Variants in SPOCK1 observed in about 807,000 individuals in gnomAD.
SPOCK1 encodes the protein testican-1.
SPOCK1 carries 23 observed loss-of-function variants against 55.3 expected under a neutral mutation model. The observed-to-expected ratio is 0.42, with a 90% CI of 0.30 to 0.59. The LOEUF is 0.59. SPOCK1 is among the 20% of genes least tolerant of loss of function. SPOCK1 has a pLI of 0.22. For missense variants in SPOCK1, 499 were observed against 552.5 expected, an observed-to-expected ratio of 0.90 and a Z score of 0.97; for synonymous variants, 226 against 221.0, an observed-to-expected ratio of 1.02 and a Z score of -0.20.
intron 6 of SPOCK1, among the ~76,000 whole-genome samples, chr5:137,026,720 A>T (rs909340489): frequency 6.6e-6 from 1 of 152,190 alleles, no homozygotes; most frequent in Admixed American, 6.5e-5. Context: ...AATCCAACCA[A>T]GCCTGGAGCA....
intron 2 of SPOCK1, among the ~76,000 whole-genome samples, chr5:137,416,998 T>C (rs1043330875): frequency 3.9e-5 from 6 of 152,178 alleles, no homozygotes; most frequent in Non-Finnish European, 7.4e-5. Flanking sequence ...TGTGAAGTTG[T>C]AATATTTCTT....
intron 2 of SPOCK1, among the ~76,000 whole-genome samples, chr5:137,330,376 A>G (rs940684104): frequency 2.6e-5 from 4 of 152,164 alleles, no homozygotes; most frequent in Non-Finnish European, 2.9e-5. Flanking sequence ...ACCTCTTTAG[A>G]TTAGGATAAG....
chr5:137,428,385 T>A (rs1345293637), intron 2 of SPOCK1, among the ~76,000 whole-genome samples: 1 of 152,044 alleles, frequency 6.6e-6, no homozygotes, highest in Admixed American at 6.6e-5. Context: ...TCAGAGGCAA[T>A]CACAGCCAAC....
chr5:137,183,941 G>A (rs974192490), intron 3 of SPOCK1, among the ~76,000 whole-genome samples: 5 of 152,154 alleles, frequency 3.3e-5, no homozygotes, highest in African/African-American at 4.8e-5. Context: ...ACAGAACTGT[G>A]ACTATTATCT....
chr5:137,373,005 G>A (rs1751234089), intron 2 of SPOCK1, among the ~76,000 whole-genome samples: 1 of 152,172 alleles, frequency 6.6e-6, no homozygotes, highest in Non-Finnish European at 1.5e-5. Flanking sequence ...GCTTGAGGCT[G>A]TGAGTTCCCT....
At chr5:137,067,676 T>C (rs1752535043) in intron 6 of SPOCK1, 39 bp downstream of exon 6, 4 of 1,580,374 alleles carry the variant, frequency 2.5e-6, no homozygotes, top group East Asian at 4.5e-5. Flanking sequence ...TGACCCCCCA[T>C]TCCTGCCCAC....
At chr5:137,445,414 A>C (rs1190956256) in intron 2 of SPOCK1, among the ~76,000 whole-genome samples, 1 of 152,190 alleles carries the variant, frequency 6.6e-6, no homozygotes, top group East Asian at 1.9e-4. Flanking sequence ...CCAGATTGAG[A>C]AGAGAAAAAA....
At chr5:137,061,562 C>A (rs923773595) in intron 6 of SPOCK1, among the ~76,000 whole-genome samples, 4 of 152,220 alleles carry the variant, frequency 2.6e-5, no homozygotes, top group African/African-American at 9.6e-5. Context: ...CTGCACCAAA[C>A]CTGCCCCCAT....
chr5:137,419,908 T>G (rs550430472), intron 2 of SPOCK1, among the ~76,000 whole-genome samples: 5 of 152,338 alleles, frequency 3.3e-5, no homozygotes, highest in Admixed American at 3.3e-4. Context: ...TTCCAGTTTT[T>G]GCCCATTCAG....
intron 3 of SPOCK1, among the ~76,000 whole-genome samples, chr5:137,180,522 C>G (rs1055212218): frequency 6.6e-6 from 1 of 152,088 alleles, no homozygotes; most frequent in Admixed American, 6.5e-5. Context: ...GCTTCCTAAA[C>G]TGAAACCAGT....
intron 5 of SPOCK1, among the ~76,000 whole-genome samples, chr5:137,109,800 G>A (rs983379716): frequency 6.6e-6 from 1 of 152,102 alleles, no homozygotes; most frequent in Non-Finnish European, 1.5e-5. Context: ...CCCCCTCAGA[G>A]ACACCTTCCC....
At chr5:137,099,489 T>TTC (rs547927041) in intron 5 of SPOCK1, among the ~76,000 whole-genome samples, 117 of 152,072 alleles carry the variant, frequency 7.7e-4, no homozygotes, top group Non-Finnish European at 1.1e-3. Context: ...CAGGGATCTT[T>TTC]TCTCTCTCTA....
intron 2 of SPOCK1, among the ~76,000 whole-genome samples, chr5:137,475,581 T>C (rs1029387281): frequency 1.3e-5 from 2 of 151,834 alleles, no homozygotes; most frequent in Non-Finnish European, 2.9e-5. Context: ...TATTTATTTA[T>C]TTATTTATTT....
At chr5:137,103,953 G>T (rs1416832059) in intron 5 of SPOCK1, among the ~76,000 whole-genome samples, 1 of 152,234 alleles carries the variant, frequency 6.6e-6, no homozygotes, top group African/African-American at 2.4e-5. Context: ...CTGAGTGTTT[G>T]TCCCCAACCT....
chr5:137,438,676 C>T (rs1305951885), intron 2 of SPOCK1, among the ~76,000 whole-genome samples: 2 of 148,532 alleles, frequency 1.3e-5, no homozygotes. Context: ...ACACAGAAGC[C>T]ACCAAGCTGA....
At chr5:137,467,518 G>A (rs1350784151) in intron 2 of SPOCK1, among the ~76,000 whole-genome samples, 1 of 152,150 alleles carries the variant, frequency 6.6e-6, no homozygotes, top group Non-Finnish European at 1.5e-5. Flanking sequence ...TAACATAGAA[G>A]AGGAAACAGA....
intron 5 of SPOCK1, among the ~76,000 whole-genome samples, chr5:137,077,820 G>C (rs974451684): frequency 6.6e-6 from 1 of 152,312 alleles, no homozygotes; most frequent in East Asian, 1.9e-4. Flanking sequence ...CCTAGAGAGA[G>C]CTGTCCATGC....
chr5:137,101,286 T>C (rs1753260932), intron 5 of SPOCK1, among the ~76,000 whole-genome samples: 1 of 152,204 alleles, frequency 6.6e-6, no homozygotes, highest in African/African-American at 2.4e-5. Context: ...TTTAAAGGAT[T>C]GGTAGGCAGA....
intron 9 of SPOCK1, among the ~76,000 whole-genome samples, chr5:136,984,520 C>G (rs1016879256): frequency 1.3e-5 from 2 of 152,138 alleles, no homozygotes; most frequent in African/African-American, 4.8e-5. Context: ...ACTTCCTCCA[C>G]GTGCTGGAGA....
Sources: allele counts gnomAD v4.1 joint callset (sites outside exome capture counted in the v4.1 genomes callset), GRCh38; gene constraint gnomAD v4.1.1; transcripts MANE v1.5; gene names NCBI Gene and HGNC (gene_info 2026-07-23, HGNC 2026-07-21).